Variants in TTC39C observed in about 807,000 individuals in gnomAD.
The protein encoded by TTC39C is tetratricopeptide repeat protein 39C.
In TTC39C, 33 loss-of-function variants were observed where a neutral mutation model predicts 76.3. The observed-to-expected ratio is 0.43, with a 90% CI of 0.33 to 0.58. The LOEUF (loss-of-function observed/expected upper bound fraction) is 0.58. TTC39C is among the 20% of genes least tolerant of loss of function. The probability of loss-of-function intolerance (pLI) is 0.04; values close to 1 mark genes in which losing one functional copy is unlikely to be tolerated. For synonymous variants in TTC39C, 254 were observed against 260.6 expected (o/e 0.97, Z 0.24); for missense variants, 595 against 701.4 (o/e 0.85, Z 1.71).
intron 4 of TTC39C, chr18:24,077,325 G>C (rs2084319659): frequency 6.6e-6 from 1 of 152,176 alleles, no homozygotes; most frequent in South Asian, 2.1e-4. Flanking sequence ...GAATGGGTAG[G>C]AGTAAAGTGT....
chr18:24,055,275 G>C (rs927444499), intron 1 of TTC39C, among the ~76,000 whole-genome samples: 25 of 152,186 alleles, frequency 1.6e-4, no homozygotes, highest in Admixed American at 1.5e-3. Context: ...GGAATTGCTA[G>C]ATCATATGGT....
chr18:24,025,549 A>G lies in TTC39C; in HGVS notation c.167+10511A>G, dbSNP rs986271769. ...ATGGAGGTAGATTCTAGAACTAAAT[A>G]AACAGTTTTTCATCTGTGTGAACTT... On this transcript the variant is annotated intron_variant, in intron 1 of 13. Transcript: ENST00000317571. 2.6e-5 allele frequency among the ~76,000 whole-genome samples: 4 copies of G among 152,250 alleles called. No homozygotes were observed. In the East Asian group the frequency reaches 5.8e-4, roughly 22 times the overall value.
chr18:24,084,618 A>G (rs369915525), intron 6 of TTC39C, among the ~76,000 whole-genome samples: 3 of 151,074 alleles, frequency 2.0e-5, no homozygotes, highest in African/African-American at 7.3e-5. Flanking sequence ...CAGGCTCGTG[A>G]GCCCTTGGTT....
At chr18:23,994,921 A>T (rs9960748) in intron 1 of TTC39C, among the ~76,000 whole-genome samples, 1 of 152,052 alleles carries the variant, frequency 6.6e-6, no homozygotes, top group Non-Finnish European at 1.5e-5. Context: ...AAATAATAAT[A>T]ATTATAATCC....
intron 1 of TTC39C, among the ~76,000 whole-genome samples, chr18:24,042,036 A>G (rs956637510): frequency 4.6e-5 from 7 of 152,224 alleles, no homozygotes; most frequent in Admixed American, 6.5e-5. Flanking sequence ...TCAAATTAGC[A>G]TGATAAATAT....
At chr18:24,047,796 T>C (rs1230561033) in intron 1 of TTC39C, among the ~76,000 whole-genome samples, 1 of 152,208 alleles carries the variant, frequency 6.6e-6, no homozygotes, top group Non-Finnish European at 1.5e-5. Context: ...TAACAGATCA[T>C]TATAAAATAT....
chr18:24,116,832 T>G (rs1042365290), intron 7 of TTC39C, among the ~76,000 whole-genome samples: 6 of 146,940 alleles, frequency 4.1e-5, no homozygotes, highest in South Asian at 2.2e-4. Flanking sequence ...TTTTTTTTTT[T>G]TTTTTTTTTT....
intron 1 of TTC39C, among the ~76,000 whole-genome samples, chr18:24,043,499 A>G (rs2083823381): frequency 6.6e-6 from 1 of 152,190 alleles, no homozygotes; most frequent in African/African-American, 2.4e-5. Flanking sequence ...GATAGGAACA[A>G]CTCAGGGTTT....
intron 9 of TTC39C, among the ~76,000 whole-genome samples, chr18:24,125,052 C>G (rs1306615797): frequency 6.6e-6 from 1 of 152,124 alleles, no homozygotes; most frequent in Non-Finnish European, 1.5e-5. Context: ...GCCACCATAC[C>G]CGGCTAATTT....
intron 4 of TTC39C, among the ~76,000 whole-genome samples, chr18:24,075,697 A>AAC (rs1555773841): frequency 6.6e-6 from 1 of 151,054 alleles, no homozygotes; most frequent in African/African-American, 2.4e-5. Context: ...AAAAAAAAAA[A>AAC]AAAAAACAAA....
intron 4 of TTC39C, among the ~76,000 whole-genome samples, chr18:24,080,297 G>A (rs957395214): frequency 4.6e-5 from 7 of 152,086 alleles, no homozygotes; most frequent in African/African-American, 1.7e-4. Context: ...TCATTCATTC[G>A]ATGTATATTA....
chr18:24,060,551 G>C (rs2043026), intron 1 of TTC39C, among the ~76,000 whole-genome samples: 1 of 151,688 alleles, frequency 6.6e-6, no homozygotes, highest in Non-Finnish European at 1.5e-5. Flanking sequence ...CAGGTGATCT[G>C]CCCGCCTCAG....
chr18:24,122,840 G>A (rs1279019093), intron 8 of TTC39C, among the ~76,000 whole-genome samples: 1 of 152,120 alleles, frequency 6.6e-6, no homozygotes, highest in Non-Finnish European at 1.5e-5. Flanking sequence ...TACAGCGTCT[G>A]GTCACTCCAG....
intron 4 of TTC39C, among the ~76,000 whole-genome samples, chr18:24,076,138 G>A (rs189227779): frequency 4.6e-5 from 7 of 152,106 alleles, no homozygotes; most frequent in East Asian, 1.9e-4. Context: ...CACCAAGCCC[G>A]GCTAATTTTT....
At chr18:24,132,377 T>C (rs564200541) in intron 13 of TTC39C, 108 bp from the exon 14 acceptor site, 36 of 767,982 alleles carry the variant, frequency 4.7e-5, no homozygotes, top group Non-Finnish European at 7.1e-5. Context: ...TTACTGGGAG[T>C]GTAGAGATTT....
At chr18:24,056,326 AC>A (rs1173717703) in intron 1 of TTC39C, among the ~76,000 whole-genome samples, 1 of 151,994 alleles carries the variant, frequency 6.6e-6, no homozygotes, top group Admixed American at 6.6e-5. Context: ...AGGAGTCGAA[AC>A]CCCCCACACA....
At chr18:24,017,534 C>A (rs1456618784) in intron 1 of TTC39C, among the ~76,000 whole-genome samples, 1 of 152,222 alleles carries the variant, frequency 6.6e-6, no homozygotes, top group Non-Finnish European at 1.5e-5. Context: ...TTCTTGACTG[C>A]ATAGTTCGAG....
intron 4 of TTC39C, among the ~76,000 whole-genome samples, chr18:24,079,245 T>C (rs187776009): frequency 6.6e-6 from 1 of 152,254 alleles, no homozygotes; most frequent in East Asian, 1.9e-4. Context: ...TCTTCAAAAA[T>C]GAGATGATGA....
intron 1 of TTC39C, among the ~76,000 whole-genome samples, chr18:23,993,494 C>T (rs969517138): frequency 6.6e-6 from 1 of 152,156 alleles, no homozygotes; most frequent in African/African-American, 2.4e-5. Context: ...AAATAATTTA[C>T]TAGACCCTCA....
Sources: gnomAD v4.1 joint callset for allele counts (sites outside exome capture counted in the v4.1 genomes callset) on GRCh38, gnomAD v4.1.1 for gene constraint, MANE v1.5 for transcripts, NCBI Gene and HGNC (gene_info 2026-07-23, HGNC 2026-07-21) for gene names.